The following GABRB1 variants were observed in gnomAD, a reference collection of about 807,000 sequenced individuals.
GABRB1 encodes gamma-aminobutyric acid type A receptor subunit beta1.
GABRB1 carries 17 observed loss-of-function variants against 51.6 expected under a neutral mutation model. The ratio of observed to expected loss-of-function variants is 0.33; its 90% CI spans 0.23 to 0.49. GABRB1 has a LOEUF of 0.49. Ranked by LOEUF, GABRB1 falls within the 20% of genes least tolerant of loss-of-function variation. GABRB1 has a pLI of 0.99. For synonymous variants in GABRB1, 247 were observed against 218.9 expected, an observed-to-expected ratio of 1.13 and a Z score of -1.14; for missense variants, 410 against 600.6, an observed-to-expected ratio of 0.68 and a Z score of 3.32.
At chr4:47,283,545 C>G (rs900799254) in intron 4 of GABRB1, among the ~76,000 whole-genome samples, 7 of 151,000 alleles carry the variant, frequency 4.6e-5, no homozygotes, top group Non-Finnish European at 1.0e-4. Flanking sequence ...GCCGCCACCA[C>G]GCCCGGCTAA....
At chr4:47,200,737 T>C (rs1194378807) in intron 4 of GABRB1, among the ~76,000 whole-genome samples, 2 of 152,216 alleles carry the variant, frequency 1.3e-5, no homozygotes, top group African/African-American at 4.8e-5. Context: ...TGCCTTAAAA[T>C]AGCTGTATAT....
chr4:47,282,485 T>A lies in GABRB1; in HGVS notation c.462-37642T>A, dbSNP rs555189525. Among the ~76,000 whole-genome samples the A allele has an allele frequency of 2.8e-3, 420 of 152,280 alleles. 1 individual carries two copies. The highest frequency in any genetic ancestry group is 5.0e-3 in the Non-Finnish European group (340 of 68,016). The stretch of plus-strand genomic sequence containing the variant: ...CTTGAAGATCACAACCATACATAAC[T>A]AGTTGTAGTAGCACATAACTAGTTG... On this transcript the variant is annotated intron_variant, in intron 4 of 8. Coordinates refer to ENST00000295454, the MANE Select transcript of GABRB1 (RefSeq NM_000812.4).
chr4:47,212,262 T>C (rs1308107330), intron 4 of GABRB1, among the ~76,000 whole-genome samples: 1 of 152,194 alleles, frequency 6.6e-6, no homozygotes, highest in Non-Finnish European at 1.5e-5. Context: ...GGGTCTCCCA[T>C]TGGCCAAACC....
intron 5 of GABRB1, among the ~76,000 whole-genome samples, chr4:47,387,330 T>G (rs1560363498): frequency 6.6e-6 from 1 of 152,070 alleles, no homozygotes; most frequent in Non-Finnish European, 1.5e-5. Context: ...CCTAATTTTT[T>G]TTATGGTGTT....
chr4:47,339,855 A>ACACACC (rs1313270213), intron 5 of GABRB1, among the ~76,000 whole-genome samples: 2 of 143,324 alleles, frequency 1.4e-5, no homozygotes, highest in African/African-American at 5.2e-5. Context: ...ACACACACAC[A>ACACACC]CCCCACTTTG....
chr4:47,171,270 CA>C (rs571595297), intron 4 of GABRB1, among the ~76,000 whole-genome samples: 36 of 107,980 alleles, frequency 3.3e-4, no homozygotes, highest in African/African-American at 5.2e-4. Flanking sequence ...TGTCAGTTCT[CA>C]AAAAAAAAAG....
intron 1 of GABRB1, among the ~76,000 whole-genome samples, chr4:47,018,505 T>C (rs1724813866): frequency 6.6e-6 from 1 of 152,144 alleles, no homozygotes; most frequent in African/African-American, 2.4e-5. Context: ...CTTTTTACAA[T>C]ATAGAAGTTA....
At chr4:47,326,002 C>T (rs938672878) in intron 5 of GABRB1, among the ~76,000 whole-genome samples, 2 of 152,078 alleles carry the variant, frequency 1.3e-5, no homozygotes, top group Non-Finnish European at 2.9e-5. Flanking sequence ...TGCTTTTTGT[C>T]TGAAAATATT....
intron 3 of GABRB1, among the ~76,000 whole-genome samples, chr4:47,083,616 G>C (rs567697340): frequency 6.2e-4 from 94 of 152,206 alleles, no homozygotes; most frequent in African/African-American, 2.2e-3. Flanking sequence ...TATTCCCTGA[G>C]CTATTTCCTG....
At chr4:47,103,619 A>C (rs1714817938) in intron 3 of GABRB1, among the ~76,000 whole-genome samples, 1 of 152,066 alleles carries the variant, frequency 6.6e-6, no homozygotes, top group African/African-American at 2.4e-5. Context: ...AGCGAAATTC[A>C]AATTACATTA....
At chr4:47,136,906 T>C (rs1001886481) in intron 3 of GABRB1, among the ~76,000 whole-genome samples, 2 of 152,104 alleles carry the variant, frequency 1.3e-5, no homozygotes, top group Non-Finnish European at 2.9e-5. Context: ...AATATCATTA[T>C]AGCAAACAGT....
At position 47,426,116 on chromosome 4, in the gene GABRB1, A is replaced by T; in HGVS notation, c.*98A>T. On this transcript the variant is annotated 3_prime_UTR_variant, in exon 9 of 9. Coordinates refer to ENST00000295454, the MANE Select transcript of GABRB1 (RefSeq NM_000812.4). ...CGATACTGCTGTTTCTCGAGGTAAG[A>T]GATTCAGCCATCCAATTGGTTTTAG... is the stretch of plus-strand genomic sequence containing the variant. The T allele has an allele frequency of 1.0e-6, 1 of 979,608 alleles. No homozygotes were observed. The highest frequency in any genetic ancestry group is 1.5e-6 in the Non-Finnish European group (1 of 664,940). 60.7% of individuals were successfully genotyped at this position (979,608 alleles called of 1,614,324 possible). A position where few individuals can be genotyped will look rare whatever the true frequency, so the allele number is the denominator to read the frequency against.
At chr4:47,270,977 CAAAGA>C (rs954993517) in intron 4 of GABRB1, among the ~76,000 whole-genome samples, 3 of 152,092 alleles carry the variant, frequency 2.0e-5, no homozygotes, top group Non-Finnish European at 2.9e-5. Flanking sequence ...TTTACCAAAG[CAAAGA>C]ACTTACTTCT....
At chr4:47,155,045 T>G (rs1717630756) in intron 3 of GABRB1, among the ~76,000 whole-genome samples, 1 of 152,080 alleles carries the variant, frequency 6.6e-6, no homozygotes. Context: ...CGAGCCAGGC[T>G]TATGTTTATT....
intron 4 of GABRB1, among the ~76,000 whole-genome samples, chr4:47,286,395 A>G (rs1578064129): frequency 6.6e-6 from 1 of 152,090 alleles, no homozygotes; most frequent in East Asian, 1.9e-4. Context: ...ATACAGTTCT[A>G]TTTCTGCTTG....
chr4:47,295,143 C>A (rs1723921238), intron 4 of GABRB1, among the ~76,000 whole-genome samples: 1 of 152,120 alleles, frequency 6.6e-6, no homozygotes, highest in South Asian at 2.1e-4. Context: ...GTAGATAAAA[C>A]CACAAAGATG....
At chr4:47,040,490 G>A (rs1031026171) in intron 3 of GABRB1, among the ~76,000 whole-genome samples, 17 of 152,104 alleles carry the variant, frequency 1.1e-4, no homozygotes, top group African/African-American at 4.1e-4. Context: ...CCCATCTATG[G>A]TTCCATATTA....
At chr4:47,279,450 A>G (rs181730795) in intron 4 of GABRB1, among the ~76,000 whole-genome samples, 36 of 152,296 alleles carry the variant, frequency 2.4e-4, no homozygotes, top group African/African-American at 8.4e-4. Flanking sequence ...AGTGTGTTGT[A>G]CTGAGTTACA....
intron 5 of GABRB1, among the ~76,000 whole-genome samples, chr4:47,386,161 T>A (rs4289418): frequency 0.26 from 38,854 of 152,122 alleles, 5,976 homozygotes; most frequent in African/African-American, 0.43. Context: ...GCTTCTAATC[T>A]GGGTATGGTC....
Sources: gnomAD v4.1 joint callset for allele counts (sites outside exome capture counted in the v4.1 genomes callset) on GRCh38, gnomAD v4.1.1 for gene constraint, MANE v1.5 for transcripts, NCBI Gene and HGNC (gene_info 2026-07-23, HGNC 2026-07-21) for gene names.